Variants in MARCHF1 observed in about 807,000 individuals in gnomAD.
The protein encoded by MARCHF1 is membrane associated ring-CH-type finger 1, also known as E3 ubiquitin-protein ligase MARCHF1.
In MARCHF1, 40 loss-of-function variants were observed where a neutral mutation model predicts 54.2. The ratio of observed to expected loss-of-function variants is 0.74; its 90% CI spans 0.57 to 0.96. The LOEUF is 0.96. Among genes scored for constraint, MARCHF1 ranks in the 40% least tolerant of loss-of-function variants. MARCHF1 has a pLI of 0.00. For missense variants in MARCHF1, 586 were observed against 656.5 expected, an observed-to-expected ratio of 0.89 and a Z score of 1.17; for synonymous variants, 236 against 236.3, an observed-to-expected ratio of 1.00 and a Z score of 0.01.
chr4:164,045,152 C>A (rs1384873973), intron 2 of MARCHF1, among the ~76,000 whole-genome samples: 1 of 151,730 alleles, frequency 6.6e-6, no homozygotes, highest in African/African-American at 2.4e-5. Flanking sequence ...AAATAAACAA[C>A]AATAAAAAAG....
At chr4:163,884,481 G>A (rs1416722980) in intron 3 of MARCHF1, among the ~76,000 whole-genome samples, 1 of 152,004 alleles carries the variant, frequency 6.6e-6, no homozygotes, top group Non-Finnish European at 1.5e-5. Context: ...ACCTCTGAGA[G>A]GTCCTGGAAA....
chr4:163,980,245 T>G (rs1752734936), intron 3 of MARCHF1, among the ~76,000 whole-genome samples: 1 of 137,442 alleles, frequency 7.3e-6, no homozygotes, highest in South Asian at 2.6e-4. Flanking sequence ...TTGACAAACC[T>G]GAGAAAAACA....
intron 8 of MARCHF1, among the ~76,000 whole-genome samples, chr4:163,562,882 A>C (rs1739518243): frequency 6.6e-6 from 1 of 152,144 alleles, no homozygotes; most frequent in Admixed American, 6.5e-5. Context: ...TCTCCAGCGC[A>C]TCCTTCATCT....
intron 3 of MARCHF1, among the ~76,000 whole-genome samples, chr4:163,955,357 A>C (rs13102651): frequency 3.4e-5 from 5 of 146,248 alleles, no homozygotes; most frequent in Admixed American, 2.7e-4. Flanking sequence ...GAAAAAAAAA[A>C]CAAAAACAAA....
intron 1 of MARCHF1, among the ~76,000 whole-genome samples, chr4:164,221,962 T>G (rs1732125755): frequency 7.3e-6 from 1 of 136,846 alleles, no homozygotes; most frequent in Non-Finnish European, 1.5e-5. Context: ...TGCCAGTACC[T>G]AAAGAAATCA....
chr4:163,807,772 G>T (rs933480693), intron 4 of MARCHF1, among the ~76,000 whole-genome samples: 33 of 150,980 alleles, frequency 2.2e-4, no homozygotes, highest in African/African-American at 8.0e-4. Flanking sequence ...CCCAAATATG[G>T]TGGTAAATAA....
intron 4 of MARCHF1, among the ~76,000 whole-genome samples, chr4:163,769,538 C>A (rs1394539498): frequency 6.6e-6 from 1 of 152,134 alleles, no homozygotes; most frequent in Non-Finnish European, 1.5e-5. Flanking sequence ...TAGAATCAAA[C>A]CCATGTCTGT....
At chr4:164,165,189 T>C (rs1052686664) in intron 1 of MARCHF1, among the ~76,000 whole-genome samples, 6 of 152,036 alleles carry the variant, frequency 3.9e-5, no homozygotes, top group Non-Finnish European at 7.4e-5. Flanking sequence ...ATATCTATTG[T>C]TGTGGACTGA....
intron 4 of MARCHF1, among the ~76,000 whole-genome samples, chr4:163,737,186 ATATTAGTT>A (rs1194481148): frequency 1.9e-5 from 1 of 54,020 alleles, no homozygotes; most frequent in African/African-American, 4.6e-5. Flanking sequence ...TTTTTTTCAC[ATATTAGTT>A]TATTTATTTA....
intron 1 of MARCHF1, among the ~76,000 whole-genome samples, chr4:164,119,270 G>A (rs999097268): frequency 4.6e-5 from 7 of 150,972 alleles, no homozygotes; most frequent in African/African-American, 1.7e-4. Flanking sequence ...GATTTGAAGG[G>A]ATAATTAAAA....
At chr4:164,054,733 T>C (rs377705055) in intron 2 of MARCHF1, among the ~76,000 whole-genome samples, 1 of 127,132 alleles carries the variant, frequency 7.9e-6, no homozygotes, top group African/African-American at 3.1e-5. Flanking sequence ...AACAATGAGA[T>C]CACATGGACA....
chr4:163,877,634 T>A (rs1579359574), intron 3 of MARCHF1, among the ~76,000 whole-genome samples: 1 of 152,096 alleles, frequency 6.6e-6, no homozygotes. Context: ...CTACTTACCA[T>A]GTCCAAAAAT....
intron 9 of MARCHF1, among the ~76,000 whole-genome samples, chr4:163,533,606 G>A (rs1334813144): frequency 6.6e-6 from 1 of 150,724 alleles, no homozygotes; most frequent in Non-Finnish European, 1.5e-5. Context: ...GGTGGTATGT[G>A]GGAACTCTCT....
At chr4:164,231,641 T>C (rs1253675993) in intron 1 of MARCHF1, among the ~76,000 whole-genome samples, 1 of 152,134 alleles carries the variant, frequency 6.6e-6, no homozygotes, top group African/African-American at 2.4e-5. Flanking sequence ...CATGGAGAAC[T>C]AAGAGCTCAG....
intron 2 of MARCHF1, among the ~76,000 whole-genome samples, chr4:164,108,481 G>C (rs553304869): frequency 4.6e-4 from 70 of 151,860 alleles, no homozygotes; most frequent in South Asian, 1.2e-3. Context: ...TTAAGGTGTT[G>C]TGAAAGAGCA....
At chr4:164,025,651 C>A (rs1490289509) in intron 2 of MARCHF1, among the ~76,000 whole-genome samples, 4 of 150,656 alleles carry the variant, frequency 2.7e-5, no homozygotes, top group African/African-American at 9.8e-5. Flanking sequence ...TCTAACTTTG[C>A]ATGTCGAGAA....
chr4:164,312,537 T>C (rs1487921928), intron 1 of MARCHF1, among the ~76,000 whole-genome samples: 1 of 151,928 alleles, frequency 6.6e-6, no homozygotes, highest in Non-Finnish European at 1.5e-5. Context: ...TTAGCCAGGA[T>C]GGTCTCGATC....
At chr4:163,691,389 G>T (rs1744451893) in intron 5 of MARCHF1, among the ~76,000 whole-genome samples, 1 of 152,098 alleles carries the variant, frequency 6.6e-6, no homozygotes, top group African/African-American at 2.4e-5. Context: ...CCACATAATG[G>T]TGACAGGAGA....
intron 1 of MARCHF1, among the ~76,000 whole-genome samples, chr4:164,249,150 T>C (rs1375683085): frequency 6.6e-6 from 1 of 152,034 alleles, no homozygotes; most frequent in African/African-American, 2.4e-5. Flanking sequence ...ATGAAGAAGA[T>C]ACAGATTCTG....
Sources: allele counts gnomAD v4.1 joint callset (sites outside exome capture counted in the v4.1 genomes callset), GRCh38; gene constraint gnomAD v4.1.1; transcripts MANE v1.5; gene names NCBI Gene and HGNC (gene_info 2026-07-23, HGNC 2026-07-21).